Variants in CMIP observed in about 807,000 individuals in gnomAD.
CMIP encodes the protein C-Maf-inducing protein.
Under a neutral mutation model 97.3 loss-of-function variants are expected in CMIP, and 13 were observed. The ratio of observed to expected loss-of-function variants is 0.13; its 90% CI spans 0.09 to 0.21. The LOEUF is 0.21. Among genes scored for constraint, CMIP ranks in the 10% least tolerant of loss-of-function variants. CMIP has a pLI of 1.00. For missense variants in CMIP, 847 were observed against 1,024.9 expected (o/e 0.83, Z 2.37); for synonymous variants, 538 against 436.3 (o/e 1.23, Z -2.91).
intron 13 of CMIP, chr16:81,695,512 C>G (rs1225140807): frequency 6.6e-6 from 1 of 152,224 alleles, no homozygotes; most frequent in Admixed American, 6.5e-5. Flanking sequence ...TCGTCCTTTC[C>G]TAAAGGAAAT....
intron 1 of CMIP, among the ~76,000 whole-genome samples, chr16:81,495,755 C>T (rs924946627): frequency 6.6e-6 from 1 of 152,308 alleles, no homozygotes; most frequent in African/African-American, 2.4e-5. Flanking sequence ...CCTGGAAGCC[C>T]CTGCCTGCTG....
chr16:81,696,891 G>A (rs1368927473), intron 14 of CMIP: 2 of 582,670 alleles, frequency 3.4e-6, no homozygotes, highest in African/African-American at 1.9e-5. Context: ...GGCTTTCCCA[G>A]TTGCACTCAG....
At chr16:81,485,786 A>G (rs962117456) in intron 1 of CMIP, among the ~76,000 whole-genome samples, 70 of 152,234 alleles carry the variant, frequency 4.6e-4, no homozygotes, top group African/African-American at 1.3e-3. Flanking sequence ...CTTATTCCCA[A>G]ATGCAGAAGG....
chr16:81,570,766 C>G (rs1317330039), intron 1 of CMIP, among the ~76,000 whole-genome samples: 1 of 152,160 alleles, frequency 6.6e-6, no homozygotes, highest in Non-Finnish European at 1.5e-5. Flanking sequence ...TTCCAGGTCC[C>G]CATTCTGTTC....
At chr16:81,589,609 T>C (rs2091436287) in intron 1 of CMIP, among the ~76,000 whole-genome samples, 1 of 152,092 alleles carries the variant, frequency 6.6e-6, no homozygotes, top group Non-Finnish European at 1.5e-5. Context: ...CAGGCATGCA[T>C]GGCAAGAAAA....
At chr16:81,686,791 A>G (rs753075199) in intron 10 of CMIP, among the ~76,000 whole-genome samples, 3 of 152,058 alleles carry the variant, frequency 2.0e-5, no homozygotes, top group African/African-American at 4.8e-5. Flanking sequence ...TGAAAAAAAC[A>G]TCTCCTCCCG....
At chr16:81,575,927 G>GT (rs530897166) in intron 1 of CMIP, among the ~76,000 whole-genome samples, 146 of 152,324 alleles carry the variant, frequency 9.6e-4, no homozygotes, top group African/African-American at 3.4e-3. Flanking sequence ...TGGCTAAACT[G>GT]TAAGACTTTT....
chr16:81,494,347 C>G (rs544128112), intron 1 of CMIP, among the ~76,000 whole-genome samples: 1 of 152,184 alleles, frequency 6.6e-6, no homozygotes, highest in Non-Finnish European at 1.5e-5. Flanking sequence ...GGAGCAGATG[C>G]GGGGCTGAAG....
Position 81,550,978 on chromosome 16 carries a change from GTCCCGTCACACGCACCC to G in CMIP, c.301-56588_301-56572del, listed in dbSNP as rs1386781470. ...CCCCAGTCCCGTCACACGCACCCCA[GTCCCGTCACACGCACCC>G]CAGTCCCGTCACACGCACCCCAGTT... On this transcript the variant is annotated intron_variant, in intron 1 of 20. Coordinates refer to ENST00000537098, the MANE Select transcript of CMIP (RefSeq NM_198390.3). Among the ~76,000 whole-genome samples, 376 of 139,396 alleles carry G rather than the reference GTCCCGTCACACGCACCC, an allele frequency of 2.7e-3. 3 individuals carry two copies. The highest frequency in any genetic ancestry group is 9.9e-3 in the African/African-American group (355 of 35,974). 91.4% of individuals were successfully genotyped at this position (139,396 alleles called of 152,430 possible).
chr16:81,576,991 C>A (rs2091200056), intron 1 of CMIP, among the ~76,000 whole-genome samples: 1 of 147,906 alleles, frequency 6.8e-6, no homozygotes, highest in South Asian at 2.1e-4. Context: ...GCATCACCAC[C>A]AACATCCCCA....
chr16:81,699,818 G>T lies in CMIP; in HGVS notation c.1755+17G>T, dbSNP rs567351286. On this transcript the variant is annotated intron_variant, in intron 15 of 20. Transcript: ENST00000537098. ...ATGGTGGAGGTAAGGAGCTGGTCGG[G>T]GTCCCTGGTGGGGTGGCTGGCTCCC... 10 of 1,554,132 alleles carry T rather than the reference G, an allele frequency of 6.4e-6. No individual in the cohort carries two copies. The highest frequency in any genetic ancestry group is 1.4e-5 in the African/African-American group (1 of 73,630).
intron 1 of CMIP, chr16:81,476,399 T>C (rs1478620462): frequency 2.7e-6 from 3 of 1,120,178 alleles, no homozygotes; most frequent in Non-Finnish European, 4.1e-6. Flanking sequence ...TTCTCTCCAG[T>C]GCTCAGAGCG....
intron 4 of CMIP, among the ~76,000 whole-genome samples, chr16:81,656,100 C>G (rs2092478321): frequency 6.6e-6 from 1 of 152,182 alleles, no homozygotes; most frequent in Non-Finnish European, 1.5e-5. Flanking sequence ...CTTTCACATG[C>G]CTGCATTCTA....
Position 81,704,115 on chromosome 16 carries a change from C to G in CMIP, c.2091+30C>G. ...GTCCTCCCGCCCTGCTGCAGTCCCC[C>G]ACACCCTCCTCCTTCACCTCTGCAC... On this transcript the variant is annotated intron_variant, in intron 18 of 20. Transcript: ENST00000537098. 5.0e-6 allele frequency: 8 copies of G among 1,588,932 alleles called. 1 individual carries two copies. Among genetic ancestry groups the G allele is most frequent in the Non-Finnish European group, 6.8e-6 (8 of 1,169,982 alleles).
At chr16:81,599,598 G>T (rs1035323738) in intron 1 of CMIP, among the ~76,000 whole-genome samples, 1 of 152,200 alleles carries the variant, frequency 6.6e-6, no homozygotes, top group African/African-American at 2.4e-5. Flanking sequence ...TACTTGAGGT[G>T]TGTGAGCACA....
rs536415605 is a variant in CMIP at position 81,540,964 on chromosome 16, G to A, written c.301-66603G>A. Among the ~76,000 whole-genome samples the A allele has an allele frequency of 2.5e-4, 38 of 151,218 alleles. No individual in the cohort carries two copies. In the South Asian group the frequency reaches 7.5e-3, roughly 30 times the overall value. ...CAAAGTGCTGGGATTACAGGTGTGA[G>A]CCACTGCACCCGGCCTTTTTTTTTT... On this transcript the variant is annotated intron_variant, in intron 1 of 20. Coordinates refer to ENST00000537098, the MANE Select transcript of CMIP (RefSeq NM_198390.3).
At chr16:81,567,898 C>G (rs2091010987) in intron 1 of CMIP, among the ~76,000 whole-genome samples, 1 of 152,176 alleles carries the variant, frequency 6.6e-6, no homozygotes, top group Admixed American at 6.5e-5. Context: ...TTGTTAGCAG[C>G]TGGTAGAAGC....
chr16:81,693,128 C>T, intron 11 of CMIP, 30 bp from the exon 12 acceptor site: 4 of 1,603,278 alleles, frequency 2.5e-6, no homozygotes, highest in Non-Finnish European at 3.4e-6. Context: ...CTTCTGTTAA[C>T]CGCCGTGTTT....
chr16:81,513,612 A>AC (rs35419906), intron 1 of CMIP, among the ~76,000 whole-genome samples: 6 of 149,816 alleles, frequency 4.0e-5, no homozygotes, highest in African/African-American at 1.5e-4. Context: ...TGACTTGGGA[A>AC]CCCCCCGGTC....
Sources: allele counts gnomAD v4.1 joint callset (sites outside exome capture counted in the v4.1 genomes callset), GRCh38; gene constraint gnomAD v4.1.1; transcripts MANE v1.5; gene names NCBI Gene and HGNC (gene_info 2026-07-23, HGNC 2026-07-21).